Variants in ROPN1L observed in about 807,000 individuals in gnomAD.
ROPN1L encodes rhophilin associated tail protein 1 like.
ROPN1L carries 23 observed loss-of-function variants against 22.7 expected under a neutral mutation model. The observed-to-expected ratio is 1.01, with a 90% CI of 0.73 to 1.43. The LOEUF (loss-of-function observed/expected upper bound fraction) is 1.43. Ranked by LOEUF, ROPN1L falls within the 40% of genes most tolerant of loss-of-function variation. ROPN1L has a pLI of 0.00. For missense variants in ROPN1L, 271 were observed against 291.5 expected (o/e 0.93, Z 0.51); for synonymous variants, 116 against 117.8 (o/e 0.98, Z 0.10).
the ROPN1L span, among the ~76,000 whole-genome samples, chr5:10,481,206 T>TA: frequency 6.6e-6 from 1 of 152,206 alleles, no homozygotes; most frequent in Non-Finnish European, 1.5e-5. Flanking sequence ...AAATGTGGTG[T>TA]ATTAATGCAA....
chr5:10,459,282 C>T (rs1734956512), intron 3 of ROPN1L, among the ~76,000 whole-genome samples: 1 of 152,026 alleles, frequency 6.6e-6, no homozygotes, highest in African/African-American at 2.4e-5. Flanking sequence ...AGCCTCCTTG[C>T]CAGGTTCCCG....
intron 1 of ROPN1L, among the ~76,000 whole-genome samples, chr5:10,446,353 T>C (rs536406603): frequency 3.3e-5 from 5 of 152,262 alleles, no homozygotes; most frequent in Admixed American, 2.0e-4. Context: ...CCACCCTCTG[T>C]TGTGACAATC....
At chr5:10,456,210 G>A (rs982993958) in intron 3 of ROPN1L, among the ~76,000 whole-genome samples, 1 of 152,226 alleles carries the variant, frequency 6.6e-6, no homozygotes, top group African/African-American at 2.4e-5. Flanking sequence ...TGTTTGGCTG[G>A]GTGCAGTGGC....
the ROPN1L span, among the ~76,000 whole-genome samples, chr5:10,481,452 C>G: frequency 9.9e-5 from 15 of 152,088 alleles, no homozygotes; most frequent in Non-Finnish European, 2.1e-4. Flanking sequence ...GTGTGAAAAC[C>G]CAATAGAGGA....
chr5:10,463,587 G>GC (rs1031549565), intron 4 of ROPN1L, among the ~76,000 whole-genome samples: 7 of 152,266 alleles, frequency 4.6e-5, no homozygotes, highest in African/African-American at 1.7e-4. Flanking sequence ...TGGGACCACT[G>GC]CCCCCCAAGT....
chr5:10,444,417 A>G (rs368067577), intron 1 of ROPN1L, among the ~76,000 whole-genome samples: 2 of 152,018 alleles, frequency 1.3e-5, no homozygotes, highest in African/African-American at 4.8e-5. Context: ...CAGCCTCCCA[A>G]GTAACTGGGA....
At chr5:10,462,213 G>T (rs1735045525) in intron 4 of ROPN1L, among the ~76,000 whole-genome samples, 1 of 152,198 alleles carries the variant, frequency 6.6e-6, no homozygotes, top group Non-Finnish European at 1.5e-5. Flanking sequence ...CATAAAGAAA[G>T]AACTCACTTT....
At chr5:10,467,576 G>T (rs1288261173), downstream of ROPN1L, among the ~76,000 whole-genome samples, 2 of 152,176 alleles carry the variant, frequency 1.3e-5, no homozygotes, top group Admixed American at 6.5e-5. Context: ...TGCAGACAGG[G>T]AATCGTCAGT....
At chr5:10,448,143 G>T in intron 1 of ROPN1L, 117 bp from the exon 2 acceptor site, 1 of 1,138,228 alleles carries the variant, frequency 8.8e-7, no homozygotes. Context: ...CCGGGATGTT[G>T]GTCTTCAGAG....
chr5:10,464,053 G>A (rs1167230064), intron 4 of ROPN1L, among the ~76,000 whole-genome samples: 1 of 152,214 alleles, frequency 6.6e-6, no homozygotes, highest in Non-Finnish European at 1.5e-5. Context: ...TCCTGTGCCA[G>A]TGGAGCCTGC....
At position 10,449,967 on chromosome 5, in the gene ROPN1L, T is replaced by C. The variant is rs1294910319; in HGVS notation, c.271T>C (p.Tyr91His). ...VLHKQCHHKRYVELTDLEQKW... is the reference protein window; with the variant it reads ...VLHKQCHHKRHVELTDLEQKW... The stretch of plus-strand genomic sequence containing the variant: ...TTCCAAACAGTGTCACCACAAGCGG[T>C]ATGTGGAATTAACAGATCTTGAGCA... Residue 91 changes from tyrosine (Y) to histidine (H), a missense_variant, in exon 3 of 5, where the codon TAT becomes CAT. Transcript: ENST00000274134. 6.2e-7 allele frequency: 1 copy of C among 1,610,702 alleles called. No homozygotes were observed.
intron 2 of ROPN1L, among the ~76,000 whole-genome samples, chr5:10,449,580 A>G (rs1741187634): frequency 6.6e-6 from 1 of 152,212 alleles, no homozygotes; most frequent in South Asian, 2.1e-4. Context: ...GATCTCTCCT[A>G]TCTAACTGTT....
chr5:10,479,478 T>G, the ROPN1L span: 4 of 152,230 alleles, frequency 2.6e-5, no homozygotes, highest in African/African-American at 7.2e-5. Context: ...AAACACGGGC[T>G]GCAGAGTTCA....
At chr5:10,461,055 A>T (rs1425908151) in intron 3 of ROPN1L, 129 bp from the exon 4 acceptor site, 1 of 767,066 alleles carries the variant, frequency 1.3e-6, no homozygotes, top group African/African-American at 1.8e-5. Flanking sequence ...CTCAGTTCAG[A>T]TGGAGCACAT....
chr5:10,467,970 C>T (rs1053000895), downstream of ROPN1L, among the ~76,000 whole-genome samples: 1 of 152,254 alleles, frequency 6.6e-6, no homozygotes, highest in Non-Finnish European at 1.5e-5. Flanking sequence ...GTCCCGTCCC[C>T]TGAGTGCTGG....
chr5:10,450,097 G>A lies in ROPN1L; in HGVS notation c.401G>A (p.Cys134Tyr), dbSNP rs1741207629. 6.2e-7 allele frequency: 1 copy of A among 1,613,508 alleles called. No individual in the cohort carries two copies. Among genetic ancestry groups the A allele is most frequent in the East Asian group, 2.2e-5 (1 of 44,822 alleles). The part of the protein sequence containing the change: ...IKWINFLALG[C>Y]SMLGGSLNTA... ...TGGATAAACTTTTTAGCGCTTGGAT[G>A]CAGCATGCTTGGTGGGGTATGTACC... Residue 134 changes from cysteine (C) to tyrosine (Y), a missense_variant, in exon 3 of 5, where the codon TGC becomes TAC. Coordinates refer to ENST00000274134, the MANE Select transcript of ROPN1L (RefSeq NM_031916.5).
At chr5:10,459,503 C>T (rs1734969074) in intron 3 of ROPN1L, among the ~76,000 whole-genome samples, 1 of 152,156 alleles carries the variant, frequency 6.6e-6, no homozygotes, top group Non-Finnish European at 1.5e-5. Context: ...CAAGTCCTCC[C>T]TGGGTCTGTA....
At chr5:10,478,741 A>G in the ROPN1L span, among the ~76,000 whole-genome samples, 1 of 152,132 alleles carries the variant, frequency 6.6e-6, no homozygotes, top group Admixed American at 6.6e-5. Context: ...TTCTGGGTGG[A>G]CATGAATTTT....
intron 3 of ROPN1L, among the ~76,000 whole-genome samples, chr5:10,457,218 C>T (rs771245051): frequency 4.4e-4 from 67 of 152,168 alleles, no homozygotes; most frequent in Admixed American, 9.2e-4. Flanking sequence ...ACCCCCTAAC[C>T]GTGCCGTCCA....
Sources: allele counts gnomAD v4.1 joint callset (sites outside exome capture counted in the v4.1 genomes callset), GRCh38; gene constraint gnomAD v4.1.1; transcripts MANE v1.5; gene names NCBI Gene and HGNC (gene_info 2026-07-23, HGNC 2026-07-21).